HDAC4: variants seen among roughly 807,000 people sequenced by gnomAD.
HDAC4 encodes the protein histone deacetylase A.
In HDAC4, 16 loss-of-function variants were observed where a neutral mutation model predicts 135.1. The observed-to-expected ratio is 0.12, with a 90% CI of 0.08 to 0.18. The LOEUF (loss-of-function observed/expected upper bound fraction) is 0.18. HDAC4 is among the 10% of genes least tolerant of loss of function. The pLI, the probability that HDAC4 is intolerant of heterozygous loss-of-function variation, is 1.00. For synonymous variants in HDAC4, 685 were observed against 653.4 expected (o/e 1.05, Z -0.74); for missense variants, 1,143 against 1,511.8 (o/e 0.76, Z 4.05).
intron 5 of HDAC4, among the ~76,000 whole-genome samples, chr2:239,166,057 C>A (rs1447147796): frequency 6.6e-6 from 1 of 152,216 alleles, no homozygotes; most frequent in African/African-American, 2.4e-5. Flanking sequence ...AGAAAGATGT[C>A]TTTTCCTTGC....
intron 3 of HDAC4, among the ~76,000 whole-genome samples, chr2:239,225,332 G>C (rs1357269291): frequency 1.3e-5 from 2 of 152,248 alleles, no homozygotes; most frequent in Non-Finnish European, 2.9e-5. Context: ...AAATTAACAA[G>C]TGAAATGTTC....
chr2:239,089,340 T>A (rs1165789583), intron 18 of HDAC4, among the ~76,000 whole-genome samples: 2 of 152,202 alleles, frequency 1.3e-5, no homozygotes, highest in Non-Finnish European at 2.9e-5. Context: ...ATTTTTTAGT[T>A]TTTTTTGAGA....
In HDAC4 at chr2:239,350,829, T is replaced by A. The variant is rs533823597; in HGVS notation, c.22+1849A>T. On this transcript the variant is annotated intron_variant, in intron 2 of 26. Transcript: ENST00000543185. ...GAACTTTAAATACAATATTGATACA[T>A]ACATACAGACGTCTTTAGACTGAAA... 2.6e-5 allele frequency among the ~76,000 whole-genome samples: 4 copies of A among 152,290 alleles called. No homozygotes were observed. In the East Asian group the frequency reaches 7.7e-4, roughly 29 times the overall value.
rs567565377 is a variant in HDAC4 at position 239,357,552 on chromosome 2, G to A, written c.-219-4634C>T. ...ATAAAATTGATAAACTTCTAGCAGA[G>A]CTGATAAAGAGAAAAGACAAAGATT... is the stretch of plus-strand genomic sequence containing the variant. On this transcript the variant is annotated intron_variant, in intron 1 of 26. Coordinates refer to ENST00000543185, the MANE Select transcript of HDAC4 (RefSeq NM_001378414.1). Among the ~76,000 whole-genome samples, 22 of 151,908 alleles carry A rather than the reference G, an allele frequency of 1.4e-4. No homozygotes were observed. In the South Asian group the frequency reaches 3.3e-3, roughly 23 times the overall value.
rs1574818589 is a variant in HDAC4 at position 239,048,281 on chromosome 2, T to C, written c.*4816A>G. 6.6e-6 allele frequency: 1 copy of C among 152,396 alleles called. No homozygotes were observed. Among genetic ancestry groups the C allele is most frequent in the African/African-American group, 2.4e-5 (1 of 41,572 alleles). 9.4% of individuals were successfully genotyped at this position (152,396 alleles called of 1,614,324 possible). Reference sequence around the variant, plus strand: ...AAAGAAGGTGACCGTCAGAAGAGGATATCATTGGTCGGTGAAAATCCACCC... The same window carrying C: ...AAAGAAGGTGACCGTCAGAAGAGGACATCATTGGTCGGTGAAAATCCACCC... On this transcript the variant is annotated 3_prime_UTR_variant, in exon 27 of 27. Coordinates refer to ENST00000543185, the MANE Select transcript of HDAC4 (RefSeq NM_001378414.1).
intron 9 of HDAC4, among the ~76,000 whole-genome samples, chr2:239,137,693 C>T (rs1344235499): frequency 3.3e-5 from 5 of 152,216 alleles, no homozygotes; most frequent in Admixed American, 2.0e-4. Flanking sequence ...CTCTGCACCA[C>T]GTGAGAACGG....
At position 239,309,969 on chromosome 2, in the gene HDAC4, G is replaced by A. The variant is rs2052793429; in HGVS notation, c.22+42709C>T. Among the ~76,000 whole-genome samples the A allele has an allele frequency of 6.6e-6, 1 of 152,222 alleles. No homozygotes were observed. The highest frequency in any genetic ancestry group is 6.5e-5 in the Admixed American group (1 of 15,292). On this transcript the variant is annotated intron_variant, in intron 2 of 26. Transcript: ENST00000543185. This position sits in a 1 kb window ranked among gnomAD's most constrained non-coding sequence, Gnocchi z 4.2. ...GGCCCGAGCCAGCATCAGGCACAAG[G>A]CCCAAGGAGTTTCTCCAGAGCAGCC... is the stretch of plus-strand genomic sequence containing the variant.
In HDAC4 at chr2:239,333,421, A is replaced by G. The variant is rs1231752735; in HGVS notation, c.22+19257T>C. Among the ~76,000 whole-genome samples, 4 of 152,338 alleles carry G rather than the reference A, an allele frequency of 2.6e-5. No individual in the cohort carries two copies. The East Asian group carries it at 5.8e-4, about 22-fold the overall frequency. On this transcript the variant is annotated intron_variant, in intron 2 of 26. Transcript: ENST00000543185. ...AAGCAACTTCATATTTTAAGAGATTAGTATAACTTTAATATTAAAATGTGA... is the reference window on the plus strand; with the variant it reads ...AAGCAACTTCATATTTTAAGAGATTGGTATAACTTTAATATTAAAATGTGA...
At chr2:239,368,394 C>T (rs1465097183) in intron 1 of HDAC4, among the ~76,000 whole-genome samples, 2 of 152,224 alleles carry the variant, frequency 1.3e-5, no homozygotes, top group Non-Finnish European at 2.9e-5. Context: ...ACAGTACCAT[C>T]TTGCGTGGCT....
At chr2:239,169,236 A>G (rs1183239043) in intron 5 of HDAC4, among the ~76,000 whole-genome samples, 1 of 152,234 alleles carries the variant, frequency 6.6e-6, no homozygotes, top group African/African-American at 2.4e-5. Flanking sequence ...TACTCCAAAG[A>G]AAAATACATA....
intron 21 of HDAC4, 134 bp downstream of exon 21, chr2:239,081,968 A>G (rs1223528875): frequency 1.1e-6 from 1 of 878,866 alleles, no homozygotes; most frequent in Non-Finnish European, 1.8e-6. Context: ...GACTGAAGTT[A>G]CTGTCTGGGC....
At chr2:239,181,279 G>A (rs1031933682) in intron 4 of HDAC4, among the ~76,000 whole-genome samples, 7 of 152,226 alleles carry the variant, frequency 4.6e-5, no homozygotes, top group African/African-American at 1.4e-4. Context: ...CCCAAGGAAG[G>A]AGGGAGGAGA....
rs1016179881 is a variant in HDAC4, at chr2:239,303,312, TC to T, written c.22+49365del. On this transcript the variant is annotated intron_variant, in intron 2 of 26. Coordinates refer to ENST00000543185, the MANE Select transcript of HDAC4 (RefSeq NM_001378414.1). The surrounding 1 kb of genome is among the most constrained non-coding windows in gnomAD (Gnocchi z 5.1). Reference sequence around the variant, plus strand: ...AGTTTCGCTTCCTTTTTATCTACGCTCCCGGATTGACTTGTCCTCCTCTGAT... The same window carrying T: ...AGTTTCGCTTCCTTTTTATCTACGCTCCGGATTGACTTGTCCTCCTCTGAT... 9.2e-5 allele frequency among the ~76,000 whole-genome samples: 14 copies of T among 152,174 alleles called. No individual in the cohort carries two copies. The highest frequency in any genetic ancestry group is 2.9e-4 in the African/African-American group (12 of 41,444).
intron 4 of HDAC4, chr2:239,187,197 T>A (rs2044611695): frequency 6.5e-6 from 1 of 152,672 alleles, no homozygotes; most frequent in Admixed American, 6.5e-5. Flanking sequence ...GAGTGAGTGG[T>A]CCTCATGTCC....
chr2:239,084,415 G>A (rs1228686765), intron 19 of HDAC4, among the ~76,000 whole-genome samples, 173 bp from the exon 20 acceptor site: 1 of 151,778 alleles, frequency 6.6e-6, no homozygotes, highest in Non-Finnish European at 1.5e-5. Context: ...TCGGTTAACA[G>A]ACAGACACGT....
chr2:239,266,411 C>G (rs1052359674), intron 2 of HDAC4, among the ~76,000 whole-genome samples: 4 of 152,230 alleles, frequency 2.6e-5, no homozygotes, highest in Non-Finnish European at 4.4e-5. Context: ...GCCTGCAGCA[C>G]AGATTCACAG....
At chr2:239,143,811 T>C (rs533032827) in intron 8 of HDAC4, among the ~76,000 whole-genome samples, 39 of 152,234 alleles carry the variant, frequency 2.6e-4, no homozygotes, top group Non-Finnish European at 5.1e-4. Context: ...ACAGACCACC[T>C]ACCATGAGCC....
At chr2:239,072,583 G>A (rs559531094) in intron 22 of HDAC4, among the ~76,000 whole-genome samples, 1 of 152,216 alleles carries the variant, frequency 6.6e-6, no homozygotes, top group Non-Finnish European at 1.5e-5. Context: ...GATTTTCAGA[G>A]GCCCCTCCCT....
At chr2:239,123,742 G>A (rs1374891710) in intron 12 of HDAC4, among the ~76,000 whole-genome samples, 1 of 152,234 alleles carries the variant, frequency 6.6e-6, no homozygotes, top group Non-Finnish European at 1.5e-5. Context: ...GCAGGCAGGA[G>A]GGGCTAATGG....
Sources: allele counts gnomAD v4.1 joint callset (sites outside exome capture counted in the v4.1 genomes callset), GRCh38; gene constraint gnomAD v4.1.1; non-coding constraint Gnocchi (gnomAD v3.1); transcripts MANE v1.5; gene names NCBI Gene and HGNC (gene_info 2026-07-23, HGNC 2026-07-21).